The following NBEAL1 variants were observed in gnomAD, a reference collection of about 807,000 sequenced individuals.
NBEAL1 encodes neurobeachin like 1.
NBEAL1 carries 273 observed loss-of-function variants against 351.3 expected under a neutral mutation model. The observed-to-expected ratio is 0.78, with a 90% CI of 0.70 to 0.86. The LOEUF is 0.86. NBEAL1 is among the 40% of genes least tolerant of loss of function. The probability of loss-of-function intolerance (pLI) is 0.00; values close to 1 mark genes in which losing one functional copy is unlikely to be tolerated. For missense variants in NBEAL1, 2,961 were observed against 3,201.3 expected (o/e 0.92, Z 1.81); for synonymous variants, 1,050 against 1,086.4 (o/e 0.97, Z 0.66).
intron 6 of NBEAL1, among the ~76,000 whole-genome samples, chr2:203,063,730 A>G (rs965324861): frequency 6.6e-6 from 1 of 152,180 alleles, no homozygotes; most frequent in African/African-American, 2.4e-5. Flanking sequence ...TAATTTAATT[A>G]TGTTAAGGTA....
At position 203,186,166 on chromosome 2, in the gene NBEAL1, G is replaced by A. The variant is rs2064892081; in HGVS notation, c.6706-2306G>A. On this transcript the variant is annotated intron_variant, in intron 44 of 55. Coordinates refer to ENST00000683969, the MANE Select transcript of NBEAL1 (RefSeq NM_001378026.1). ...TGCAAAAACAAATGGATGTGGCTGT[G>A]TTCTACTACTACTCTACAAATCTGG... Among the ~76,000 whole-genome samples, 4 of 152,224 alleles carry A rather than the reference G, an allele frequency of 2.6e-5. No individual in the cohort carries two copies. The South Asian group carries it at 8.3e-4, about 31-fold the overall frequency.
chr2:203,114,505 GTTT>G (rs2062645500), intron 17 of NBEAL1, among the ~76,000 whole-genome samples: 1 of 151,962 alleles, frequency 6.6e-6, no homozygotes, highest in African/African-American at 2.4e-5. Context: ...TTGGCTTTTT[GTTT>G]TTCTTTTGGC....
At chr2:203,137,054 G>T (rs2063230127) in intron 29 of NBEAL1, among the ~76,000 whole-genome samples, 1 of 152,168 alleles carries the variant, frequency 6.6e-6, no homozygotes, top group Non-Finnish European at 1.5e-5. Flanking sequence ...AGTATTTGAG[G>T]ACTTGATACA....
In NBEAL1 at chr2:203,136,614, C is replaced by T; in HGVS notation, c.4405C>T (p.Leu1469Phe). Reference protein sequence around the residue: ...LESQERCEEELLQLLTHILNY... With the variant: ...LESQERCEEEFLQLLTHILNY... ...TTTTCCATAGAGATGTGAGGAGGAG[C>T]TTCTTCAATTACTGACACATATTTT... Residue 1469 changes from leucine to phenylalanine, a missense_variant, in exon 29 of 56, where the codon CTT (leucine) becomes TTT (phenylalanine). Leu to Phe is a conservative substitution (Grantham distance 22, BLOSUM62 0). Coordinates refer to ENST00000683969, the MANE Select transcript of NBEAL1 (RefSeq NM_001378026.1). 6.2e-7 allele frequency: 1 copy of T among 1,609,210 alleles called. No individual in the cohort carries two copies. Among genetic ancestry groups the T allele is most frequent in the Non-Finnish European group, 8.5e-7 (1 of 1,177,020 alleles).
chr2:203,183,315 T>C lies in NBEAL1; in HGVS notation c.6632T>C (p.Leu2211Ser), dbSNP rs751685711. 1.3e-6 allele frequency: 2 copies of C among 1,599,120 alleles called. No homozygotes were observed. The highest frequency in any genetic ancestry group is 1.1e-5 in the South Asian group (1 of 87,690). Residue 2211 changes from leucine (L) to serine (S), a missense_variant, in exon 44 of 56, where the codon TTA becomes TCA. Physicochemically the swap from Leu to Ser is moderately radical, Grantham distance 145. Transcript: ENST00000683969. Reference protein sequence around the residue: ...NLGRLQISKELVNDVILPKWA... With the variant: ...NLGRLQISKESVNDVILPKWA... ...GGTCGTCTACAGATTTCCAAAGAAT[T>C]AGTAAATGATGTCATTCTCCCGAAA...
In NBEAL1 at chr2:203,145,091, T is replaced by C. The variant is rs2063477131; in HGVS notation, c.5235T>C (p.Cys1745=). The C allele has an allele frequency of 2.5e-6, 4 of 1,613,432 alleles. No homozygotes were observed. The highest frequency in any genetic ancestry group is 3.4e-6 in the Non-Finnish European group (4 of 1,179,766). Residue 1745 remains cysteine (C), a synonymous_variant, in exon 33 of 56, where the codon TGT becomes TGC. Coordinates refer to ENST00000683969, the MANE Select transcript of NBEAL1 (RefSeq NM_001378026.1). ...HENMALYWKD[C]YEALMVNMHK... is the part of the protein sequence containing the mutation. ...ACATGGCACTTTATTGGAAGGATTG[T>C]TATGAAGCTTTAATGGTAAATATGC...
intron 30 of NBEAL1, 66 bp downstream of exon 30, chr2:203,138,381 G>T (rs1314808622): frequency 2.1e-6 from 3 of 1,458,528 alleles, no homozygotes; most frequent in Non-Finnish European, 2.8e-6. Context: ...GAAAAATTTT[G>T]CACCCCCTCT....
At chr2:203,056,348 C>A (rs2061401130) in intron 4 of NBEAL1, 79 bp from the exon 5 acceptor site, 1 of 780,846 alleles carries the variant, frequency 1.3e-6, no homozygotes, top group African/African-American at 1.7e-5. Context: ...CATGTGTTCT[C>A]ATAATTCAAG....
Position 203,136,672 on chromosome 2 carries a change from C to G in NBEAL1, c.4463C>G (p.Ser1488Cys), listed in dbSNP as rs751812152. The G allele has an allele frequency of 6.2e-7, 1 of 1,613,562 alleles. No homozygotes were observed. The highest frequency in any genetic ancestry group is 8.5e-7 in the Non-Finnish European group (1 of 1,179,644). ...GTAATGTGTAAGGGACTAGAAAAGTCTGATGATGATACTTGGATTGAACGA... is the reference window on the plus strand; with the variant it reads ...GTAATGTGTAAGGGACTAGAAAAGTGTGATGATGATACTTGGATTGAACGA... Reference protein sequence around the residue: ...NYVMCKGLEKSDDDTWIERGQ... With the variant: ...NYVMCKGLEKCDDDTWIERGQ... Residue 1488 changes from serine (S) to cysteine (C), a missense_variant, in exon 29 of 56, where the codon TCT becomes TGT. Ser to Cys is a moderately radical substitution (Grantham distance 112, BLOSUM62 -1). Transcript: ENST00000683969.
In NBEAL1 at chr2:203,136,730, A is replaced by G; in HGVS notation, c.4521A>G (p.Gly1507=). 1 of 1,613,746 alleles carries G rather than the reference A, an allele frequency of 6.2e-7. No individual in the cohort carries two copies. ...GQVFSALSKP[G]ISSELLRPSD... ...TGTTTTCAGCACTAAGTAAACCAGG[A>G]ATATCCAGTGAACTACTTCGACCAT... The change falls in exon 29 of 56, where the codon GGA becomes GGG. Residue 1507 remains glycine (G), a synonymous_variant. Transcript: ENST00000683969.
chr2:203,107,899 T>C lies in NBEAL1; in HGVS notation c.1660T>C (p.Ser554Pro). Reference protein sequence around the residue: ...HGSLGSQSVSSEEIRRLLRLL... With the variant: ...HGSLGSQSVSPEEIRRLLRLL... ...TTCCTTGGGGAGTCAGTCAGTGAGC[T>C]CAGAAGAAATCCGTCGACTACTGAG... The change falls in exon 14 of 56, where the codon TCA becomes CCA. Residue 554 changes from serine (S) to proline (P), a missense_variant. Coordinates refer to ENST00000683969, the MANE Select transcript of NBEAL1 (RefSeq NM_001378026.1). 6.4e-7 allele frequency: 1 copy of C among 1,553,716 alleles called. No individual in the cohort carries two copies.
intron 51 of NBEAL1, among the ~76,000 whole-genome samples, chr2:203,203,995 C>T (rs1041966014): frequency 6.6e-6 from 1 of 151,252 alleles, no homozygotes; most frequent in Admixed American, 6.6e-5. Context: ...GTGGCGCAAG[C>T]TTGGCTCACT....
chr2:203,211,373 A>T (rs966229), intron 54 of NBEAL1, among the ~76,000 whole-genome samples: 124 of 152,180 alleles, frequency 8.1e-4, no homozygotes, highest in African/African-American at 2.8e-3. Flanking sequence ...GGACATAGTC[A>T]CTCCTGCCTG....
intron 35 of NBEAL1, among the ~76,000 whole-genome samples, chr2:203,151,802 GA>G (rs1001220781): frequency 3.7e-4 from 56 of 151,480 alleles, no homozygotes; most frequent in Admixed American, 8.5e-4. Context: ...ATTTCTAAAA[GA>G]AAAAAAAATT....
At chr2:203,034,404 AC>A (rs2061007328) in intron 2 of NBEAL1, among the ~76,000 whole-genome samples, 1 of 135,622 alleles carries the variant, frequency 7.4e-6, no homozygotes, top group Admixed American at 7.5e-5. Flanking sequence ...CGATCCGCCC[AC>A]CTTGGCCTCC....
rs57126638 is a variant in NBEAL1 at position 203,119,424 on chromosome 2, C to CTTTTTTTTTTTTTTTTTTTTTTTT, written c.2593-2810_2593-2809insTTTTTTTTTTTTTTTTTTTTTTTT. 2.3e-3 allele frequency among the ~76,000 whole-genome samples: 156 copies of CTTTTTTTTTTTTTTTTTTTTTTTT among 66,658 alleles called. 37 individuals carry two copies. The highest frequency in any genetic ancestry group is 3.4e-3 in the Admixed American group (13 of 3,822). 43.7% of individuals were successfully genotyped at this position (66,658 alleles called of 152,430 possible). A position where few individuals can be genotyped will look rare whatever the true frequency, so the allele number is the denominator to read the frequency against. On this transcript the variant is annotated intron_variant, in intron 18 of 55. Coordinates refer to ENST00000683969, the MANE Select transcript of NBEAL1 (RefSeq NM_001378026.1). ...GTGAGCCACTGCATACGGCCTGTTG[C>CTTTTTTTTTTTTTTTTTTTTTTTT]TTTTTTTTTTTTTTTTTTTTGAGAC... is the stretch of plus-strand genomic sequence containing the variant.
chr2:203,085,499 A>T (rs569373100), intron 10 of NBEAL1: 1 of 152,222 alleles, frequency 6.6e-6, no homozygotes, highest in Non-Finnish European at 1.5e-5. Context: ...CTTCATAATG[A>T]CTACTTTATA....
chr2:203,138,284 G>A lies in NBEAL1; in HGVS notation c.4688G>A (p.Gly1563Glu), dbSNP rs368466523. The A allele has an allele frequency of 6.2e-6, 10 of 1,613,556 alleles. No individual in the cohort carries two copies. Among genetic ancestry groups the A allele is most frequent in the Non-Finnish European group, 8.5e-6 (10 of 1,179,912 alleles). The part of the protein sequence containing the change: ...LIIQDFLQSE[G>E]LVNSNMWTEK... ...ATACAGGACTTTCTTCAGTCAGAGG[G>A]ACTAGTTAATTCAAACATGTGGACC... Residue 1563 changes from glycine to glutamate, a missense_variant, in exon 30 of 56, where the codon GGA becomes GAA. Gly to Glu is a moderately conservative substitution (Grantham distance 98). Coordinates refer to ENST00000683969, the MANE Select transcript of NBEAL1 (RefSeq NM_001378026.1).
Position 203,107,920 on chromosome 2 carries a change from CT to C in NBEAL1, c.1682del (p.Leu561ArgfsTer4). 1 of 1,553,644 alleles carries C rather than the reference CT, an allele frequency of 6.4e-7. No individual in the cohort carries two copies. Reference sequence around the variant, plus strand: ...GAGCTCAGAAGAAATCCGTCGACTACTGAGATTGCTGAGAGTGGATGAATCT... The same window carrying C: ...GAGCTCAGAAGAAATCCGTCGACTACGAGATTGCTGAGAGTGGATGAATCT... ...SVSSEEIRRL[L>X]RLLRVDESES... On this transcript the variant is annotated frameshift_variant, in exon 14 of 56. Transcript: ENST00000683969. LOFTEE classifies it high-confidence loss of function.
Sources: gnomAD v4.1 joint callset for allele counts (sites outside exome capture counted in the v4.1 genomes callset) on GRCh38, gnomAD v4.1.1 for gene constraint, MANE v1.5 for transcripts, NCBI Gene and HGNC (gene_info 2026-07-23, HGNC 2026-07-21) for gene names.